The following COL6A2 variants were observed in gnomAD, a reference collection of about 807,000 sequenced individuals.
COL6A2 encodes collagen type VI alpha 2 chain, also known as collagen alpha-2(VI) chain.
COL6A2 carries 90 observed loss-of-function variants against 124.9 expected under a neutral mutation model. The ratio of observed to expected loss-of-function variants is 0.72; its 90% confidence interval spans 0.61 to 0.86. COL6A2 has a LOEUF of 0.86. COL6A2 is among the 40% of genes least tolerant of loss of function. The pLI is 0.00. For missense variants in COL6A2, 1,607 were observed against 1,502.5 expected (o/e 1.07, Z -1.15); for synonymous variants, 793 against 618.2 (o/e 1.28, Z -4.19).
intron 21 of COL6A2, 89 bp downstream of exon 21, chr21:46,123,026 G>A (rs902972829): frequency 2.3e-5 from 30 of 1,293,572 alleles, no homozygotes; most frequent in Non-Finnish European, 3.4e-5. Context: ...GAGTACAGGA[G>A]AACGCCAGGC....
chr21:46,115,961 GCCC>G (rs751048194), intron 6 of COL6A2, 36 bp downstream of exon 6: 616 of 1,612,634 alleles, frequency 3.8e-4, no homozygotes, highest in Non-Finnish European at 4.8e-4. Context: ...CCCGCCTGCA[GCCC>G]AGCGCCCCAG....
At position 46,117,912 on chromosome 21, in the gene COL6A2, G is replaced by A. The variant is rs1486195135; in HGVS notation, c.1092G>A (p.Gly364=). 6.2e-7 allele frequency: 1 copy of A among 1,612,956 alleles called. No individual in the cohort carries two copies. The highest frequency in any genetic ancestry group is 2.2e-5 in the East Asian group (1 of 44,848). The change falls in exon 12 of 28, where the codon GGG becomes GGA. Residue 364 remains glycine (G), a synonymous_variant. Transcript: ENST00000300527. ...DGYPGEAGSP[G]ERGDQGGKGD... The stretch of plus-strand genomic sequence containing the variant: ...ACCCGGGGGAAGCAGGGAGTCCAGG[G>A]GAGCGAGGAGACCAAGGCGGCAAGG...
chr21:46,108,574 A>G (rs972918442), intron 1 of COL6A2, among the ~76,000 whole-genome samples: 1 of 152,056 alleles, frequency 6.6e-6, no homozygotes. Context: ...ACTAGGTTTT[A>G]CCTTGTCTGG....
intron 27 of COL6A2, among the ~76,000 whole-genome samples, chr21:46,128,695 G>A (rs9977572): frequency 6.6e-6 from 1 of 152,230 alleles, no homozygotes; most frequent in African/African-American, 2.4e-5. Flanking sequence ...CCAGTCGGTG[G>A]AAAGAAAAGG....
At chr21:46,105,886 G>A (rs895073051) in intron 1 of COL6A2, among the ~76,000 whole-genome samples, 3 of 152,172 alleles carry the variant, frequency 2.0e-5, no homozygotes, top group African/African-American at 7.2e-5. Context: ...AATTACTTTA[G>A]ATGTAAATGG....
At chr21:46,109,188 G>A (rs575442402) in intron 1 of COL6A2, among the ~76,000 whole-genome samples, 1 of 152,136 alleles carries the variant, frequency 6.6e-6, no homozygotes, top group African/African-American at 2.4e-5. Context: ...TCTCAGCAGA[G>A]AGAAAGCCCT....
intron 10 of COL6A2, among the ~76,000 whole-genome samples, chr21:46,117,176 G>C (rs2078485406): frequency 6.6e-6 from 1 of 152,222 alleles, no homozygotes; most frequent in African/African-American, 2.4e-5. Flanking sequence ...TCTGCCCTCA[G>C]GGCCTCTGGG....
chr21:46,113,266 G>A (rs565617295), intron 4 of COL6A2, among the ~76,000 whole-genome samples: 38 of 152,266 alleles, frequency 2.5e-4, no homozygotes, highest in African/African-American at 7.0e-4. Context: ...CTGCAAAAAC[G>A]TGCCCTGCCT....
rs1027984079 is a variant in COL6A2 at position 46,132,845 on chromosome 21, C to T, written c.*293C>T. ...GCCCTGACCCAATAAAGGCTTTGAA[C>T]CCATTGCGTGCCTGCTTGCGAGCTT... On this transcript the variant is annotated 3_prime_UTR_variant, in exon 28 of 28. Transcript: ENST00000300527. 7.9e-6 allele frequency: 4 copies of T among 507,238 alleles called. No individual in the cohort carries two copies. Among genetic ancestry groups the T allele is most frequent in the South Asian group, 2.2e-5 (1 of 44,832 alleles). 31.4% of individuals were successfully genotyped at this position (507,238 alleles called of 1,614,324 possible).
At chr21:46,130,825 T>A (rs750139875) in intron 27 of COL6A2, among the ~76,000 whole-genome samples, 35 of 152,206 alleles carry the variant, frequency 2.3e-4, no homozygotes, top group Non-Finnish European at 5.9e-5. Context: ...GAGGCTGCCC[T>A]TCCTTTCACT....
intron 21 of COL6A2, among the ~76,000 whole-genome samples, chr21:46,123,619 T>A (rs1327128355): frequency 6.7e-6 from 1 of 148,916 alleles, no homozygotes; most frequent in Non-Finnish European, 1.5e-5. Flanking sequence ...ATGGATGGAT[T>A]GCTGGATGAG....
intron 12 of COL6A2, 121 bp downstream of exon 12, chr21:46,118,057 G>T: frequency 1.1e-6 from 1 of 932,818 alleles, no homozygotes; most frequent in South Asian, 1.7e-5. Context: ...GGTCAGTGAG[G>T]AGCCAATGGC....
intron 1 of COL6A2, among the ~76,000 whole-genome samples, chr21:46,105,426 T>C (rs76828779): frequency 0.06 from 9,114 of 152,234 alleles, 389 homozygotes; most frequent in Non-Finnish European, 0.098. Flanking sequence ...AAGGTAAATA[T>C]ATAGACAATT....
intron 18 of COL6A2, 139 bp downstream of exon 18, chr21:46,121,757 G>A: frequency 1.2e-6 from 1 of 836,248 alleles, no homozygotes; most frequent in Non-Finnish European, 2.0e-6. Context: ...TCTCAGCTCT[G>A]GAGTGAGGGG....
chr21:46,116,482 G>C lies in COL6A2; in HGVS notation c.927+79G>C. Reference sequence around the variant, plus strand: ...CACCTCTTGGCGTCCGCCGCAGCCTGTCACTGCTCCTGGGGCACCGGCCTG... The same window carrying C: ...CACCTCTTGGCGTCCGCCGCAGCCTCTCACTGCTCCTGGGGCACCGGCCTG... On this transcript the variant is annotated intron_variant, in intron 8 of 27. Coordinates refer to ENST00000300527, the MANE Select transcript of COL6A2 (RefSeq NM_001849.4). The surrounding 1 kb of genome is among the most constrained non-coding windows in gnomAD (Gnocchi z 4.6). The C allele has an allele frequency of 6.3e-7, 1 of 1,593,942 alleles. No homozygotes were observed. Among genetic ancestry groups the C allele is most frequent in the South Asian group, 1.1e-5 (1 of 90,378 alleles).
Position 46,118,820 on chromosome 21 carries a change from C to T in COL6A2, c.1179+144C>T, listed in dbSNP as rs866063009. The T allele has an allele frequency of 8.8e-5, 99 of 1,123,970 alleles. No individual in the cohort carries two copies. In the Middle Eastern group the frequency reaches 4.5e-3, roughly 51 times the overall value. 69.6% of individuals were successfully genotyped at this position (1,123,970 alleles called of 1,614,324 possible). A position where few individuals can be genotyped will look rare whatever the true frequency, so the allele number is the denominator to read the frequency against. On this transcript the variant is annotated intron_variant, in intron 13 of 27. Transcript: ENST00000300527. ...GGGACACGGGGAGGGACAGGAAGAA[C>T]AGGCCATGTGCCCTGAGCCACCAGC...
At chr21:46,125,764 C>A in intron 25 of COL6A2, 21 bp from the exon 26 acceptor site, 1 of 1,609,798 alleles carries the variant, frequency 6.2e-7, no homozygotes, top group Non-Finnish European at 8.5e-7. Flanking sequence ...CTGGCAACGA[C>A]CTCACGCGTG....
At chr21:46,110,137 TC>T (rs1042725613) in intron 1 of COL6A2, among the ~76,000 whole-genome samples, 12 of 151,462 alleles carry the variant, frequency 7.9e-5, no homozygotes, top group African/African-American at 2.9e-4. Flanking sequence ...CGCCGTGAGC[TC>T]CCCTTCACCC....
intron 27 of COL6A2, among the ~76,000 whole-genome samples, chr21:46,127,888 G>A (rs996603291): frequency 1.3e-5 from 2 of 152,200 alleles, no homozygotes; most frequent in African/African-American, 2.4e-5. Context: ...AGCCCGTTGA[G>A]CGTCATTGAA....
Sources: gnomAD v4.1 joint callset for allele counts (sites outside exome capture counted in the v4.1 genomes callset) on GRCh38, gnomAD v4.1.1 for gene constraint, Gnocchi (gnomAD v3.1) non-coding constraint, MANE v1.5 for transcripts, NCBI Gene and HGNC (gene_info 2026-07-23, HGNC 2026-07-21) for gene names.